The following GTF2H2C variants were observed in gnomAD, a reference collection of about 807,000 sequenced individuals.
The protein encoded by GTF2H2C is general transcription factor IIH subunit 2-like protein.
GTF2H2C carries 5 observed loss-of-function variants against 24.8 expected under a neutral mutation model. The ratio of observed to expected loss-of-function variants is 0.20; its 90% CI spans 0.11 to 0.42. The LOEUF is 0.42. Among genes scored for constraint, GTF2H2C ranks in the 20% least tolerant of loss-of-function variants. GTF2H2C has a pLI of 1.00. For missense variants in GTF2H2C, 45 were observed against 169.8 expected (o/e 0.27, Z 4.08); for synonymous variants, 14 against 52.6 (o/e 0.27, Z 3.18).
chr5:69,563,515 T>G (rs1390670886), intron 2 of GTF2H2C, among the ~76,000 whole-genome samples: 1 of 148,780 alleles, frequency 6.7e-6, no homozygotes. Flanking sequence ...CACCTGGCCC[T>G]GGCCTGTGTT....
Position 69,578,935 on chromosome 5 carries a change from A to G in GTF2H2C, c.562-86A>G. 1.3e-5 allele frequency: 2 copies of G among 157,168 alleles called. 1 individual carries two copies. The highest frequency in any genetic ancestry group is 1.8e-4 in the Admixed American group (2 of 11,072). The allele number at this position is 157,168 out of a possible 1,614,324, so 9.7% of individuals were successfully genotyped here. A position where few individuals can be genotyped will look rare whatever the true frequency, so the allele number is the denominator to read the frequency against. On this transcript the variant is annotated intron_variant, in intron 10 of 16. Transcript: ENST00000380729. ...TGTATTGAATTTATTACTAGTTTTC[A>G]GAGCATTCTTTATTTTTCAAATACA...
chr5:69,573,208 CAG>C (rs1268045057), intron 9 of GTF2H2C, among the ~76,000 whole-genome samples: 1 of 139,574 alleles, frequency 7.2e-6, no homozygotes, highest in East Asian at 2.1e-4. Context: ...TTTTTCGAGA[CAG>C]AGTCTTGCTC....
At chr5:69,565,220 T>C in intron 3 of GTF2H2C, 32 bp downstream of exon 3, 1 of 590,620 alleles carries the variant, frequency 1.7e-6, no homozygotes, top group Non-Finnish European at 2.9e-6. Context: ...TGTCTTTTCT[T>C]TTAGACAATG....
At chr5:69,566,279 T>A (rs1770753401) in intron 4 of GTF2H2C, 71 bp downstream of exon 4, 1 of 1,527,458 alleles carries the variant, frequency 6.5e-7, no homozygotes. Context: ...CTATAAATAC[T>A]CCTCAGTACT....
At chr5:69,564,311 TA>T (rs2112173911) in intron 2 of GTF2H2C, among the ~76,000 whole-genome samples, 1 of 123,796 alleles carries the variant, frequency 8.1e-6, no homozygotes, top group South Asian at 3.0e-4. Flanking sequence ...GTACTTTTGG[TA>T]GAATGGTTTT....
At chr5:69,560,804 C>T (rs1446798032) in intron 1 of GTF2H2C, among the ~76,000 whole-genome samples, 1 of 152,058 alleles carries the variant, frequency 6.6e-6, no homozygotes, top group Non-Finnish European at 1.5e-5. Flanking sequence ...TGTCGCCAGG[C>T]TGGAGTGCAG....
At chr5:69,567,635 CTTGA>C (rs1333223796) in intron 6 of GTF2H2C, 88 bp from the exon 7 acceptor site, 2 of 1,308,748 alleles carry the variant, frequency 1.5e-6, no homozygotes, top group East Asian at 2.6e-5. Context: ...AGAAGTGACG[CTTGA>C]TTAACAGGTT....
At chr5:69,573,420 G>T (rs996382895) in intron 9 of GTF2H2C, among the ~76,000 whole-genome samples, 4 of 78,894 alleles carry the variant, frequency 5.1e-5, no homozygotes, top group Non-Finnish European at 1.0e-4. Flanking sequence ...CTGGCCTCAA[G>T]CGATCCGCCC....
At chr5:69,573,262 T>TAC (rs1202293413) in intron 9 of GTF2H2C, among the ~76,000 whole-genome samples, 1 of 131,250 alleles carries the variant, frequency 7.6e-6, no homozygotes, top group Non-Finnish European at 1.6e-5. Context: ...CTCAGCTCAC[T>TAC]ACAACCTCCA....
intron 12 of GTF2H2C, among the ~76,000 whole-genome samples, chr5:69,580,453 G>T (rs1355726850): frequency 0.2 from 20,466 of 102,924 alleles, 1 homozygote; most frequent in East Asian, 0.33. Context: ...AGCTACAAAG[G>T]CCGGGCGTGG....
Position 69,590,043 on chromosome 5 carries a change from C to G in GTF2H2C, c.1029-285C>G, listed in dbSNP as rs566955387. Among the ~76,000 whole-genome samples the G allele has an allele frequency of 1.1e-4, 16 of 148,768 alleles. No homozygotes were observed. In the East Asian group the frequency reaches 2.9e-3, roughly 27 times the overall value. On this transcript the variant is annotated intron_variant, in intron 15 of 16. Coordinates refer to ENST00000380729, the MANE Select transcript of GTF2H2C (RefSeq NM_001376000.2). ...GGGATTATAGGCGCCTGCCATCACG[C>G]CCAGCTAATTTTTGTATTTTTAGTA...
chr5:69,566,209 G>C lies in GTF2H2C; in HGVS notation c.134+1G>C. ...TTCTATTCAAGGCAAAGAGAAAAAG[G>C]TATGTAACCTTCCTACGTATCTTAA... On this transcript the variant is annotated splice_donor_variant, in intron 4 of 16. Coordinates refer to ENST00000380729, the MANE Select transcript of GTF2H2C (RefSeq NM_001376000.2). LOFTEE classifies it high-confidence loss of function. The C allele has an allele frequency of 1.9e-6, 3 of 1,609,724 alleles. No homozygotes were observed. In the East Asian group the frequency reaches 6.7e-5, roughly 36 times the overall value.
At chr5:69,566,286 T>G in intron 4 of GTF2H2C, 78 bp downstream of exon 4, 4 of 1,504,438 alleles carry the variant, frequency 2.7e-6, no homozygotes, top group Non-Finnish European at 3.6e-6. Context: ...TACTCCTCAG[T>G]ACTTCATTTT....
chr5:69,577,863 G>T lies in GTF2H2C; in HGVS notation c.471-849G>T, dbSNP rs1580642767. 3 of 92,036 alleles carry T rather than the reference G, an allele frequency of 3.3e-5. 1 individual carries two copies. The highest frequency in any genetic ancestry group is 7.0e-5 in the Non-Finnish European group (3 of 42,846). 5.7% of individuals were successfully genotyped at this position (92,036 alleles called of 1,614,324 possible). ...GGTATAATCAGCCCTCTGAATCCTG[G>T]GAATTCGATCAACCACGCATCAAAA... On this transcript the variant is annotated intron_variant, in intron 9 of 16. Coordinates refer to ENST00000380729, the MANE Select transcript of GTF2H2C (RefSeq NM_001376000.2).
Position 69,594,458 on chromosome 5 carries a change from C to CAG in GTF2H2C, c.*2261_*2262insGA, listed in dbSNP as rs1772113768. The stretch of plus-strand genomic sequence containing the variant: ...TAATACACACACACACACACACACA[C>CAG]ACACACACACACACACACACTGATC... On this transcript the variant is annotated 3_prime_UTR_variant, in exon 17 of 17. Transcript: ENST00000380729. 1 of 153,384 alleles carries CAG rather than the reference C, an allele frequency of 6.5e-6. No individual in the cohort carries two copies. The highest frequency in any genetic ancestry group is 1.4e-5 in the Non-Finnish European group (1 of 69,356). 9.5% of individuals were successfully genotyped at this position (153,384 alleles called of 1,614,324 possible).
chr5:69,594,911 G>A lies in GTF2H2C; in HGVS notation c.*2713G>A. ...TGGTTTGTTGAAGATTGCAGAAACA[G>A]CAATGGTAATGTAAGACAGTTTTGG... On this transcript the variant is annotated 3_prime_UTR_variant, in exon 17 of 17. Transcript: ENST00000380729. Among the ~76,000 whole-genome samples the A allele has an allele frequency of 2.3e-4, 1 of 4,306 alleles. No homozygotes were observed. Among genetic ancestry groups the A allele is most frequent in the East Asian group, 2.1e-3 (1 of 468 alleles). The allele number at this position is 4,306 out of a possible 152,430, so 2.8% of individuals were successfully genotyped here.
chr5:69,563,566 T>A (rs1770539618), intron 2 of GTF2H2C, among the ~76,000 whole-genome samples: 1 of 151,994 alleles, frequency 6.6e-6, no homozygotes, highest in African/African-American at 2.4e-5. Context: ...TTTCACAGAG[T>A]ACGTGTGCAT....
rs2112163602 is a variant in GTF2H2C, at chr5:69,562,759, CT to C, written c.-44del. The C allele has an allele frequency of 1.3e-5, 2 of 150,292 alleles. No homozygotes were observed. Among genetic ancestry groups the C allele is most frequent in the South Asian group, 4.3e-4 (2 of 4,694 alleles). 9.3% of individuals were successfully genotyped at this position (150,292 alleles called of 1,614,324 possible). On this transcript the variant is annotated 5_prime_UTR_variant, in exon 2 of 17. Transcript: ENST00000380729. ...TCTCCTGCCTCAGCCTCCCGAGTAGCTGGGATTACAGGTGTGCACCACTAGG... is the reference window on the plus strand; with the variant it reads ...TCTCCTGCCTCAGCCTCCCGAGTAGCGGGATTACAGGTGTGCACCACTAGG...
intron 1 of GTF2H2C, among the ~76,000 whole-genome samples, chr5:69,561,724 C>A (rs1297828632): frequency 6.6e-6 from 1 of 151,744 alleles, no homozygotes; most frequent in African/African-American, 2.4e-5. Flanking sequence ...AACATAGTAG[C>A]CTCGACTCTC....
Sources: gnomAD v4.1 joint callset for allele counts (sites outside exome capture counted in the v4.1 genomes callset) on GRCh38, gnomAD v4.1.1 for gene constraint, MANE v1.5 for transcripts, NCBI Gene and HGNC (gene_info 2026-07-23, HGNC 2026-07-21) for gene names.